Variants in NRIP2 observed in about 807,000 individuals in gnomAD.
NRIP2 encodes nuclear receptor-interacting protein 2.
Under a neutral mutation model 34.1 loss-of-function variants are expected in NRIP2, and 27 were observed. The ratio of observed to expected loss-of-function variants is 0.79; its 90% CI spans 0.58 to 1.09. The LOEUF (loss-of-function observed/expected upper bound fraction) is 1.09. Ranked by LOEUF, NRIP2 falls within the 50% of genes least tolerant of loss-of-function variation. The pLI, the probability that NRIP2 is intolerant of heterozygous loss-of-function variation, is 0.00. For missense variants in NRIP2, 385 were observed against 352.6 expected (o/e 1.09, Z -0.74); for synonymous variants, 145 against 146.9 (o/e 0.99, Z 0.09).
At chr12:2,830,628 G>A (rs570804313) in intron 2 of NRIP2, 80 bp downstream of exon 2, 3 of 1,461,932 alleles carry the variant, frequency 2.1e-6, no homozygotes, top group Admixed American at 2.1e-5. Context: ...TCTCCCATCA[G>A]GGCAGAGCAG....
At position 2,834,993 on chromosome 12, in the gene NRIP2, G is replaced by A. The variant is rs772208913; in HGVS notation, c.-10C>T. On this transcript the variant is annotated 5_prime_UTR_variant, in exon 1 of 6. Coordinates refer to ENST00000337508, the MANE Select transcript of NRIP2 (RefSeq NM_031474.3). ...GAAAAATAAATAACATGCAGGAGCA[G>A]CCGCGTCAGTCTCCAATTTCCCGAG... The A allele has an allele frequency of 6.5e-7, 1 of 1,548,022 alleles. No homozygotes were observed. Among genetic ancestry groups the A allele is most frequent in the South Asian group, 1.2e-5 (1 of 80,990 alleles).
In NRIP2 at chr12:2,826,758, G is replaced by C. The variant is rs1603483661; in HGVS notation, c.*449C>G. 1 of 201,248 alleles carries C rather than the reference G, an allele frequency of 5.0e-6. No individual in the cohort carries two copies. The highest frequency in any genetic ancestry group is 8.0e-5 in the South Asian group (1 of 12,460). 12.5% of individuals were successfully genotyped at this position (201,248 alleles called of 1,614,324 possible). A position where few individuals can be genotyped will look rare whatever the true frequency, so the allele number is the denominator to read the frequency against. On this transcript the variant is annotated 3_prime_UTR_variant, in exon 6 of 6. Coordinates refer to ENST00000337508, the MANE Select transcript of NRIP2 (RefSeq NM_031474.3). ...CCAGGGACATAGGTTGGTGAGGCATGGCGGTCTAGTTGTGGGAGATAATGA... is the reference window on the plus strand; with the variant it reads ...CCAGGGACATAGGTTGGTGAGGCATCGCGGTCTAGTTGTGGGAGATAATGA...
chr12:2,831,741 TTC>T (rs1013438266), intron 1 of NRIP2, among the ~76,000 whole-genome samples: 10 of 152,206 alleles, frequency 6.6e-5, no homozygotes, highest in East Asian at 1.9e-4. Flanking sequence ...CCTCCTTTCC[TTC>T]TCTCTCTTCT....
In NRIP2 at chr12:2,827,076, A is replaced by G; in HGVS notation, c.*131T>C. 1 of 1,504,770 alleles carries G rather than the reference A, an allele frequency of 6.6e-7. No individual in the cohort carries two copies. Among genetic ancestry groups the G allele is most frequent in the Non-Finnish European group, 8.8e-7 (1 of 1,135,424 alleles). 93.2% of individuals were successfully genotyped at this position (1,504,770 alleles called of 1,614,324 possible). A position where few individuals can be genotyped will look rare whatever the true frequency, so the allele number is the denominator to read the frequency against. On this transcript the variant is annotated 3_prime_UTR_variant, in exon 6 of 6. Transcript: ENST00000337508. This position sits in a 1 kb window ranked among gnomAD's most constrained non-coding sequence, Gnocchi z 4.0. ...GGCCAGCTGGGGAAAATGGGACAGC[A>G]GGGGTCAGGGAGGTGATTGGAAGGG... is the stretch of plus-strand genomic sequence containing the variant.
chr12:2,835,030 G>A lies in NRIP2; in HGVS notation c.-47C>T. 6.7e-7 allele frequency: 1 copy of A among 1,491,190 alleles called. No homozygotes were observed. The highest frequency in any genetic ancestry group is 8.9e-7 in the Non-Finnish European group (1 of 1,122,824). 92.4% of individuals were successfully genotyped at this position (1,491,190 alleles called of 1,614,324 possible). On this transcript the variant is annotated 5_prime_UTR_variant, in exon 1 of 6. Transcript: ENST00000337508. ...TCCAATTTCCCGAGATTGCTGTAGA[G>A]GGAGTGAGACTCCGGCTGGAAAAAC... is the stretch of plus-strand genomic sequence containing the variant.
intron 1 of NRIP2, among the ~76,000 whole-genome samples, chr12:2,832,174 C>T (rs914217601): frequency 3.9e-5 from 6 of 152,118 alleles, no homozygotes; most frequent in Non-Finnish European, 7.4e-5. Context: ...GATTCATGTG[C>T]AGGTTAAAGT....
rs750440577 is a variant in NRIP2 at position 2,831,187 on chromosome 12, ATT to A, written c.343-329_343-328del. ...GGGGGAAGTTTTGTCTCAAACTTACATTTTTTTTTAACTAGGAGGGTTTTTTT... is the reference window on the plus strand; with the variant it reads ...GGGGGAAGTTTTGTCTCAAACTTACATTTTTTTAACTAGGAGGGTTTTTTT... On this transcript the variant is annotated intron_variant, in intron 1 of 5. Coordinates refer to ENST00000337508, the MANE Select transcript of NRIP2 (RefSeq NM_031474.3). Among the ~76,000 whole-genome samples the A allele has an allele frequency of 3.1e-4, 47 of 150,444 alleles. 1 individual carries two copies. Among genetic ancestry groups the A allele is most frequent in the Non-Finnish European group, 6.1e-4 (41 of 67,550 alleles).
chr12:2,827,125 C>G lies in NRIP2; in HGVS notation c.*82G>C, dbSNP rs2097971262. 7.5e-6 allele frequency: 12 copies of G among 1,597,082 alleles called. No individual in the cohort carries two copies. The highest frequency in any genetic ancestry group is 1.7e-4 in the Middle Eastern group (1 of 6,022). On this transcript the variant is annotated 3_prime_UTR_variant, in exon 6 of 6. Transcript: ENST00000337508. This position sits in a 1 kb window ranked among gnomAD's most constrained non-coding sequence, Gnocchi z 4.0. ...GGCAGACACCATAGTCCCCAGCTAC[C>G]TGGCTTCAAGAGCCCCCGTTCCCCA...
chr12:2,833,619 A>G (rs2098013926), intron 1 of NRIP2, among the ~76,000 whole-genome samples: 1 of 152,066 alleles, frequency 6.6e-6, no homozygotes, highest in African/African-American at 2.4e-5. Flanking sequence ...TCAGACTAGG[A>G]GAGGGGACAG....
chr12:2,829,445 A>G (rs1198147564), intron 2 of NRIP2, among the ~76,000 whole-genome samples: 3 of 152,192 alleles, frequency 2.0e-5, no homozygotes, highest in East Asian at 1.9e-4. Flanking sequence ...ATATAACTCT[A>G]CTATATGGCA....
intron 2 of NRIP2, 93 bp downstream of exon 2, chr12:2,830,615 C>A: frequency 7.4e-7 from 1 of 1,356,840 alleles, no homozygotes; most frequent in Non-Finnish European, 1.0e-6. Flanking sequence ...CTCCCTCCCT[C>A]CCTCTCCCAT....
intron 2 of NRIP2, among the ~76,000 whole-genome samples, chr12:2,828,843 AAAAC>A (rs1340601436): frequency 4.6e-5 from 7 of 152,134 alleles, no homozygotes; most frequent in Admixed American, 4.6e-4. Flanking sequence ...ACTCTGTCTC[AAAAC>A]AAACAAAAAA....
At position 2,833,913 on chromosome 12, in the gene NRIP2, G is replaced by C. The variant is rs541867809; in HGVS notation, c.342+729C>G. Among the ~76,000 whole-genome samples the C allele has an allele frequency of 3.1e-4, 47 of 152,352 alleles. No homozygotes were observed. The South Asian group carries it at 8.7e-3, about 28-fold the overall frequency. ...ACAAGTTAGTAAATGGCAGAGCCAG[G>C]ATCTGATCCCAAGCGAAGTGGCTGC... On this transcript the variant is annotated intron_variant, in intron 1 of 5. Transcript: ENST00000337508.
In NRIP2 at chr12:2,827,121, C is replaced by A. The variant is rs983814956; in HGVS notation, c.*86G>T. ...GAAGGGCAGACACCATAGTCCCCAG[C>A]TACCTGGCTTCAAGAGCCCCCGTTC... is the stretch of plus-strand genomic sequence containing the variant. On this transcript the variant is annotated 3_prime_UTR_variant, in exon 6 of 6. Transcript: ENST00000337508. This position sits in a 1 kb window ranked among gnomAD's most constrained non-coding sequence, Gnocchi z 4.0. 3 of 1,593,126 alleles carry A rather than the reference C, an allele frequency of 1.9e-6. No homozygotes were observed. Among genetic ancestry groups the A allele is most frequent in the Admixed American group, 1.8e-5 (1 of 55,912 alleles).
At position 2,830,534 on chromosome 12, in the gene NRIP2, A is replaced by G. The variant is rs530488945; in HGVS notation, c.495+174T>C. 4.9e-4 allele frequency: 297 copies of G among 605,164 alleles called. 2 individuals carry two copies. The South Asian group carries it at 6.6e-3, about 14-fold the overall frequency. 37.5% of individuals were successfully genotyped at this position (605,164 alleles called of 1,614,324 possible). ...ACAGATGGAGTTGCACCGAGGAGACATGGCTTGGGGCAGGGAGGAAGGAGG... is the reference window on the plus strand; with the variant it reads ...ACAGATGGAGTTGCACCGAGGAGACGTGGCTTGGGGCAGGGAGGAAGGAGG... On this transcript the variant is annotated intron_variant, in intron 2 of 5. Transcript: ENST00000337508.
At position 2,827,074 on chromosome 12, in the gene NRIP2, G is replaced by T; in HGVS notation, c.*133C>A. 6.7e-7 allele frequency: 1 copy of T among 1,502,012 alleles called. No homozygotes were observed. The highest frequency in any genetic ancestry group is 8.8e-7 in the Non-Finnish European group (1 of 1,134,170). 93.0% of individuals were successfully genotyped at this position (1,502,012 alleles called of 1,614,324 possible). On this transcript the variant is annotated 3_prime_UTR_variant, in exon 6 of 6. Transcript: ENST00000337508. This position sits in a 1 kb window ranked among gnomAD's most constrained non-coding sequence, Gnocchi z 4.0. Reference sequence around the variant, plus strand: ...GCGGCCAGCTGGGGAAAATGGGACAGCAGGGGTCAGGGAGGTGATTGGAAG... The same window carrying T: ...GCGGCCAGCTGGGGAAAATGGGACATCAGGGGTCAGGGAGGTGATTGGAAG...
In NRIP2 at chr12:2,828,127, A is replaced by G. The variant is rs886922100; in HGVS notation, c.579-80T>C. On this transcript the variant is annotated intron_variant, in intron 3 of 5. Transcript: ENST00000337508. Reference sequence around the variant, plus strand: ...CATTAATCAGCAGGTGTCCCTCTCTACTATGGTTTCATCTCCAACCCCTGA... The same window carrying G: ...CATTAATCAGCAGGTGTCCCTCTCTGCTATGGTTTCATCTCCAACCCCTGA... The G allele has an allele frequency of 5.0e-6, 7 of 1,392,458 alleles. No individual in the cohort carries two copies. In the African/African-American group the frequency reaches 7.2e-5, roughly 14 times the overall value. The allele number at this position is 1,392,458 out of a possible 1,614,324, so 86.3% of individuals were successfully genotyped here.
Position 2,827,085 on chromosome 12 carries a change from G to A in NRIP2, c.*122C>T. 6.5e-7 allele frequency: 1 copy of A among 1,530,916 alleles called. No individual in the cohort carries two copies. Among genetic ancestry groups the A allele is most frequent in the South Asian group, 1.2e-5 (1 of 80,974 alleles). The allele number at this position is 1,530,916 out of a possible 1,614,324, so 94.8% of individuals were successfully genotyped here. Reference sequence around the variant, plus strand: ...GGGAAAATGGGACAGCAGGGGTCAGGGAGGTGATTGGAAGGGCAGACACCA... The same window carrying A: ...GGGAAAATGGGACAGCAGGGGTCAGAGAGGTGATTGGAAGGGCAGACACCA... On this transcript the variant is annotated 3_prime_UTR_variant, in exon 6 of 6. Transcript: ENST00000337508. The surrounding 1 kb of genome is among the most constrained non-coding windows in gnomAD (Gnocchi z 4.0).
Position 2,831,005 on chromosome 12 carries a change from G to A in NRIP2, c.343-145C>T. 2.9e-5 allele frequency: 20 copies of A among 685,236 alleles called. No individual in the cohort carries two copies. The South Asian group carries it at 4.2e-4, about 14-fold the overall frequency. 42.4% of individuals were successfully genotyped at this position (685,236 alleles called of 1,614,324 possible). A position where few individuals can be genotyped will look rare whatever the true frequency, so the allele number is the denominator to read the frequency against. On this transcript the variant is annotated intron_variant, in intron 1 of 5. Coordinates refer to ENST00000337508, the MANE Select transcript of NRIP2 (RefSeq NM_031474.3). ...CCTAGGAGTTTACCCTAGGGTCCCA[G>A]ATAATGAGAGCAGAGTAAGCCCCAG...
Sources: allele counts gnomAD v4.1 joint callset (sites outside exome capture counted in the v4.1 genomes callset), GRCh38; gene constraint gnomAD v4.1.1; non-coding constraint Gnocchi (gnomAD v3.1); transcripts MANE v1.5; gene names NCBI Gene and HGNC (gene_info 2026-07-23, HGNC 2026-07-21).